The following PSTPIP1 variants were observed in gnomAD, a reference collection of about 807,000 sequenced individuals.
PSTPIP1 encodes proline-serine-threonine phosphatase interacting protein 1.
PSTPIP1 carries 66 observed loss-of-function variants against 69.6 expected under a neutral mutation model. The ratio of observed to expected loss-of-function variants is 0.95; its 90% CI spans 0.78 to 1.16. The LOEUF (loss-of-function observed/expected upper bound fraction) is 1.16, where lower values mean the gene tolerates loss of function less well. Ranked by LOEUF, PSTPIP1 falls within the 50% of genes most tolerant of loss-of-function variation. The pLI is 0.00. For synonymous variants in PSTPIP1, 266 were observed against 222.7 expected, an observed-to-expected ratio of 1.19 and a Z score of -1.73; for missense variants, 603 against 557.4, an observed-to-expected ratio of 1.08 and a Z score of -0.82.
chr15:77,021,660 C>A (rs1164142327), intron 3 of PSTPIP1, among the ~76,000 whole-genome samples: 2 of 152,196 alleles, frequency 1.3e-5, no homozygotes, highest in African/African-American at 4.8e-5. Flanking sequence ...GCCTGGGCTG[C>A]AGAGCGAGAC....
At chr15:77,029,452 A>T in intron 7 of PSTPIP1, 77 bp from the exon 8 acceptor site, 1 of 1,509,478 alleles carries the variant, frequency 6.6e-7, no homozygotes, top group Non-Finnish European at 9.0e-7. Context: ...GAAGCTTGAC[A>T]GTCACTTCAG....
At position 77,032,768 on chromosome 15, in the gene PSTPIP1, G is replaced by A. The variant is rs1283363068; in HGVS notation, c.839-94G>A. On this transcript the variant is annotated intron_variant, in intron 11 of 14. Transcript: ENST00000558012. ...CTCCTCAGGCACCAGGATGGGCCAG[G>A]GCCAGATTGGGAATGTAGGGCCCCA... is the stretch of plus-strand genomic sequence containing the variant. 2.7e-6 allele frequency: 3 copies of A among 1,124,008 alleles called. No individual in the cohort carries two copies. The African/African-American group carries it at 4.7e-5, about 17-fold the overall frequency. 69.6% of individuals were successfully genotyped at this position (1,124,008 alleles called of 1,614,324 possible). A position where few individuals can be genotyped will look rare whatever the true frequency, so the allele number is the denominator to read the frequency against.
At chr15:77,021,535 T>G (rs1235919645) in intron 3 of PSTPIP1, among the ~76,000 whole-genome samples, 1 of 152,036 alleles carries the variant, frequency 6.6e-6, no homozygotes, top group East Asian at 1.9e-4. Flanking sequence ...AAAAATTAGT[T>G]GGGCATGGTG....
chr15:77,025,511 G>A lies in PSTPIP1; in HGVS notation c.261G>A (p.Val87=), dbSNP rs2076258910. 1 of 1,558,318 alleles carries A rather than the reference G, an allele frequency of 6.4e-7. No individual in the cohort carries two copies. Among genetic ancestry groups the A allele is most frequent in the African/African-American group, 1.4e-5 (1 of 73,348 alleles). The change falls in exon 5 of 15, where the codon GTG becomes GTA. Residue 87 remains valine, a synonymous_variant. Transcript: ENST00000558012. ...CTCTGCCCCCAGAAATGGAGAATGT[G>A]GGCAGCTCACACATCCAGCTGGCCC... ...FDSLKQQMEN[V]GSSHIQLALT... is the part of the protein sequence containing the mutation.
At chr15:77,032,508 G>A in intron 11 of PSTPIP1, 114 bp downstream of exon 11, 2 of 1,131,848 alleles carry the variant, frequency 1.8e-6, no homozygotes, top group Non-Finnish European at 1.3e-6. Flanking sequence ...GCTCCCTTCA[G>A]GGCAGAGAAG....
In PSTPIP1 at chr15:77,037,431, G is replaced by GA. The variant is rs1568531262; in HGVS notation, c.*256dup. 1 of 392,126 alleles carries GA rather than the reference G, an allele frequency of 2.6e-6. No individual in the cohort carries two copies. Among genetic ancestry groups the GA allele is most frequent in the African/African-American group, 2.0e-5 (1 of 48,948 alleles). The allele number at this position is 392,126 out of a possible 1,614,324, so 24.3% of individuals were successfully genotyped here. On this transcript the variant is annotated 3_prime_UTR_variant, in exon 15 of 15. Coordinates refer to ENST00000558012, the MANE Select transcript of PSTPIP1 (RefSeq NM_003978.5). ...GAACAAGGGAAGGAGCCTGGATGTGGAGCTCCCCAACTCAGCCGAGGCTTC... is the reference window on the plus strand; with the variant it reads ...GAACAAGGGAAGGAGCCTGGATGTGGAAGCTCCCCAACTCAGCCGAGGCTTC...
In PSTPIP1 at chr15:77,026,542, G is replaced by C. The variant is rs139529282; in HGVS notation, c.354+938G>C. Among the ~76,000 whole-genome samples the C allele has an allele frequency of 1.7e-3, 264 of 152,350 alleles. 1 individual carries two copies. Among genetic ancestry groups the C allele is most frequent in the African/African-American group, 5.8e-3 (240 of 41,582 alleles). On this transcript the variant is annotated intron_variant, in intron 5 of 14. Coordinates refer to ENST00000558012, the MANE Select transcript of PSTPIP1 (RefSeq NM_003978.5). ...TCTGTGCCTCAGTTTCCCTCTCACAGGATGGGACACATATGTCTACCTCCC... is the reference window on the plus strand; with the variant it reads ...TCTGTGCCTCAGTTTCCCTCTCACACGATGGGACACATATGTCTACCTCCC...
rs974461206 is a variant in PSTPIP1 at position 76,995,181 on chromosome 15, C to A, written c.-393C>A. 3 of 1,195,172 alleles carry A rather than the reference C, an allele frequency of 2.5e-6. No homozygotes were observed. Among genetic ancestry groups the A allele is most frequent in the African/African-American group, 3.2e-5 (2 of 63,144 alleles). The allele number at this position is 1,195,172 out of a possible 1,614,324, so 74.0% of individuals were successfully genotyped here. On this transcript the variant is annotated 5_prime_UTR_variant, in exon 1 of 15. Coordinates refer to ENST00000558012, the MANE Select transcript of PSTPIP1 (RefSeq NM_003978.5). Reference sequence around the variant, plus strand: ...GCCTGCCTGCCTGCCTGGCCCGGCCCGAGCTCCAGCCTGCCTCTTCCACTG... The same window carrying A: ...GCCTGCCTGCCTGCCTGGCCCGGCCAGAGCTCCAGCCTGCCTCTTCCACTG...
At chr15:77,030,314 GAGCAGC>G (rs1001262793) in intron 8 of PSTPIP1, among the ~76,000 whole-genome samples, 182 bp from the exon 9 acceptor site, 1 of 152,254 alleles carries the variant, frequency 6.6e-6, no homozygotes, top group African/African-American at 2.4e-5. Flanking sequence ...CACAGTTGGG[GAGCAGC>G]AGCAGCACCA....
intron 1 of PSTPIP1, among the ~76,000 whole-genome samples, chr15:77,008,702 G>A (rs1171245021): frequency 1.9e-4 from 29 of 152,166 alleles, no homozygotes; most frequent in South Asian, 6.2e-4. Context: ...GAGCCACTGC[G>A]CCCAGCATTC....
chr15:77,031,393 C>A, intron 10 of PSTPIP1, 115 bp downstream of exon 10: 2 of 1,158,292 alleles, frequency 1.7e-6, no homozygotes, highest in Non-Finnish European at 2.5e-6. Flanking sequence ...CCAAGCCTGG[C>A]CCCAGGGGTC....
At chr15:77,011,053 A>G (rs943506584) in intron 1 of PSTPIP1, among the ~76,000 whole-genome samples, 4 of 152,206 alleles carry the variant, frequency 2.6e-5, no homozygotes. Flanking sequence ...GAACTCAGGC[A>G]GTGGGGTGCT....
At position 77,028,514 on chromosome 15, in the gene PSTPIP1, G is replaced by A. The variant is rs1422541344; in HGVS notation, c.418-40G>A. ...CTCACTCCCGGGGACCACAGAACAG[G>A]GCTGTGCAGCCCCCAAGTCACGCCC... is the stretch of plus-strand genomic sequence containing the variant. On this transcript the variant is annotated intron_variant, in intron 6 of 14. Coordinates refer to ENST00000558012, the MANE Select transcript of PSTPIP1 (RefSeq NM_003978.5). The A allele has an allele frequency of 9.9e-6, 15 of 1,522,506 alleles. No homozygotes were observed. In the East Asian group the frequency reaches 3.4e-4, roughly 35 times the overall value. The allele number at this position is 1,522,506 out of a possible 1,614,324, so 94.3% of individuals were successfully genotyped here.
chr15:77,000,975 C>T (rs1286893272), intron 1 of PSTPIP1, among the ~76,000 whole-genome samples: 4 of 152,110 alleles, frequency 2.6e-5, no homozygotes, highest in Non-Finnish European at 4.4e-5. Flanking sequence ...TGCCACCCTC[C>T]CCTTTTTTTA....
At chr15:77,007,385 A>G (rs1596057741) in intron 1 of PSTPIP1, among the ~76,000 whole-genome samples, 1 of 152,094 alleles carries the variant, frequency 6.6e-6, no homozygotes, top group Non-Finnish European at 1.5e-5. Flanking sequence ...AGGCAGGTGG[A>G]TTGCTCGAGC....
intron 1 of PSTPIP1, among the ~76,000 whole-genome samples, chr15:77,013,581 A>G (rs1040772352): frequency 1.3e-5 from 2 of 152,072 alleles, no homozygotes; most frequent in Non-Finnish European, 2.9e-5. Context: ...TCCGTTCCCT[A>G]CAGCCTTCCA....
In PSTPIP1 at chr15:77,037,213, G is replaced by C; in HGVS notation, c.*37G>C. The stretch of plus-strand genomic sequence containing the variant: ...GAGCCCCTTCGGACCTGCCCTGCCA[G>C]TGGAGCCAGCAGTGCCCCCAGCACT... On this transcript the variant is annotated 3_prime_UTR_variant, in exon 15 of 15. Transcript: ENST00000558012. 2 of 1,564,310 alleles carry C rather than the reference G, an allele frequency of 1.3e-6. No individual in the cohort carries two copies. Among genetic ancestry groups the C allele is most frequent in the South Asian group, 1.2e-5 (1 of 86,238 alleles).
chr15:77,029,425 C>A, intron 7 of PSTPIP1, 104 bp from the exon 8 acceptor site: 1 of 1,353,644 alleles, frequency 7.4e-7, no homozygotes, highest in Non-Finnish European at 1.0e-6. Flanking sequence ...CTGAATGTTC[C>A]CCCCAGGGTG....
At chr15:76,995,807 A>C (rs1179535478) in intron 1 of PSTPIP1, among the ~76,000 whole-genome samples, 198 bp downstream of exon 1, 1 of 152,198 alleles carries the variant, frequency 6.6e-6, no homozygotes, top group African/African-American at 2.4e-5. Context: ...TCCGTGAATG[A>C]GCGTCCTCCT....
Sources: gnomAD v4.1 joint callset for allele counts (sites outside exome capture counted in the v4.1 genomes callset) on GRCh38, gnomAD v4.1.1 for gene constraint, MANE v1.5 for transcripts, NCBI Gene and HGNC (gene_info 2026-07-23, HGNC 2026-07-21) for gene names.